The following DPM2 variants were observed in gnomAD, a reference collection of about 807,000 sequenced individuals.
The protein encoded by DPM2 is dolichol phosphate-mannose biosynthesis regulatory protein.
In DPM2, 8 loss-of-function variants were observed where a neutral mutation model predicts 12.1. That is an observed-to-expected ratio of 0.66 (90% CI 0.39 to 1.19). The LOEUF (loss-of-function observed/expected upper bound fraction) is 1.19. Among genes scored for constraint, DPM2 ranks in the 50% most tolerant of loss-of-function variants. The pLI, the probability that DPM2 is intolerant of heterozygous loss-of-function variation, is 0.01. For synonymous variants in DPM2, 38 were observed against 44.7 expected (o/e 0.85, Z 0.60); for missense variants, 93 against 102.5 (o/e 0.91, Z 0.40).
intron 2 of DPM2, 190 bp from the exon 3 acceptor site, chr9:127,936,845 G>C (rs1450868537): frequency 2.0e-6 from 1 of 507,736 alleles, no homozygotes; most frequent in Non-Finnish European, 3.2e-6. Flanking sequence ...GGTATTTACC[G>C]GGCACTTGCT....
chr9:127,936,434 A>G lies in DPM2; in HGVS notation c.196+119T>C, dbSNP rs762170446. The G allele has an allele frequency of 6.2e-6, 10 of 1,604,652 alleles. No homozygotes were observed. In the Admixed American group the frequency reaches 1.2e-4, roughly 19 times the overall value. ...GCAGCCTCGAAGGATGAACAGGAAA[A>G]CCCCACGGGTGAGTTCGGGGCAAGC... On this transcript the variant is annotated intron_variant, in intron 3 of 3. Transcript: ENST00000314392.
chr9:127,937,342 A>G, intron 2 of DPM2, 92 bp downstream of exon 2: 3 of 956,916 alleles, frequency 3.1e-6, no homozygotes, highest in Non-Finnish European at 4.8e-6. Context: ...GCAGGCAATG[A>G]AGCCAGCGCC....
intron 3 of DPM2, 135 bp downstream of exon 3, chr9:127,936,418 A>G (rs1481278523): frequency 6.3e-7 from 1 of 1,592,204 alleles, no homozygotes; most frequent in Non-Finnish European, 8.6e-7. Flanking sequence ...GGCAGCCTCG[A>G]AGGATGAACA....
Position 127,936,673 on chromosome 9 carries a change from G to C in DPM2, c.94-18C>G, listed in dbSNP as rs577196007. The C allele has an allele frequency of 6.8e-5, 101 of 1,482,876 alleles. 2 individuals are homozygous for C. The Admixed American group carries it at 2.4e-3, about 35-fold the overall frequency. The allele number at this position is 1,482,876 out of a possible 1,614,324, so 91.9% of individuals were successfully genotyped here. ...ATGAATGGCTGGCATCGAGGGAAGA[G>C]CTCTGGTGTGTCTTGCTTGCCTTGC... On this transcript the variant is annotated intron_variant, in intron 2 of 3. Coordinates refer to ENST00000314392, the MANE Select transcript of DPM2 (RefSeq NM_003863.4).
Position 127,935,602 on chromosome 9 carries a change from G to T in DPM2, c.*120C>A. On this transcript the variant is annotated 3_prime_UTR_variant, in exon 4 of 4. Coordinates refer to ENST00000314392, the MANE Select transcript of DPM2 (RefSeq NM_003863.4). ...GTAAGCTCCATGCCATGGGGACTCTGCAGGACAGGCAGGCTTGAGGAGCCA... is the reference window on the plus strand; with the variant it reads ...GTAAGCTCCATGCCATGGGGACTCTTCAGGACAGGCAGGCTTGAGGAGCCA... The T allele has an allele frequency of 9.9e-7, 1 of 1,006,508 alleles. No individual in the cohort carries two copies. Among genetic ancestry groups the T allele is most frequent in the South Asian group, 1.3e-5 (1 of 74,400 alleles). The allele number at this position is 1,006,508 out of a possible 1,614,324, so 62.3% of individuals were successfully genotyped here. A position where few individuals can be genotyped will look rare whatever the true frequency, so the allele number is the denominator to read the frequency against.
rs772532808 is a variant in DPM2, at chr9:127,936,541, G to A, written c.196+12C>T. The A allele has an allele frequency of 2.5e-6, 4 of 1,598,436 alleles. No individual in the cohort carries two copies. The highest frequency in any genetic ancestry group is 3.4e-6 in the Non-Finnish European group (4 of 1,169,710). On this transcript the variant is annotated intron_variant, in intron 3 of 3. Transcript: ENST00000314392. ...CCCTGCCCAGGGTCAAGGGGAGGAG[G>A]TGATGACTTACCCACAAACAGGAGC...
intron 1 of DPM2, 127 bp from the exon 2 acceptor site, chr9:127,937,650 G>C (rs1831531081): frequency 8.3e-7 from 1 of 1,205,636 alleles, no homozygotes; most frequent in Non-Finnish European, 1.2e-6. Flanking sequence ...GCTGACTAGG[G>C]ATCAGTTTCT....
intron 3 of DPM2, chr9:127,936,328 G>C (rs1205799399): frequency 1.3e-6 from 2 of 1,481,882 alleles, no homozygotes; most frequent in Non-Finnish European, 1.8e-6. Context: ...AGTGATGATG[G>C]GGTTGGGGCA....
chr9:127,936,922 C>T (rs936508485), intron 2 of DPM2: 4 of 383,676 alleles, frequency 1.0e-5, no homozygotes, highest in African/African-American at 6.2e-5. Flanking sequence ...CCCTAAGGCA[C>T]CTCACAGCCT....
At position 127,935,616 on chromosome 9, in the gene DPM2, CTTGAGGAGCCACTGTGCCTGGACAGG is replaced by C; in HGVS notation, c.*80_*105del. ...ATGGGGACTCTGCAGGACAGGCAGG[CTTGAGGAGCCACTGTGCCTGGACAGG>C]TTCTGCAGGCTCCCCCACTTGGTCC... On this transcript the variant is annotated 3_prime_UTR_variant, in exon 4 of 4. Coordinates refer to ENST00000314392, the MANE Select transcript of DPM2 (RefSeq NM_003863.4). 2 of 1,184,922 alleles carry C rather than the reference CTTGAGGAGCCACTGTGCCTGGACAGG, an allele frequency of 1.7e-6. No individual in the cohort carries two copies. The highest frequency in any genetic ancestry group is 2.5e-6 in the Non-Finnish European group (2 of 812,958). 73.4% of individuals were successfully genotyped at this position (1,184,922 alleles called of 1,614,324 possible).
At chr9:127,936,103 C>A in intron 3 of DPM2, 2 of 623,156 alleles carry the variant, frequency 3.2e-6, no homozygotes, top group Non-Finnish European at 5.4e-6. Context: ...TCCTCCTACA[C>A]CTCACCCACC....
chr9:127,936,148 C>A, intron 3 of DPM2: 1 of 833,954 alleles, frequency 1.2e-6, no homozygotes. Flanking sequence ...AGGCACCCGG[C>A]TGTTGACTGA....
rs1831529175 is a variant in DPM2 at position 127,937,542 on chromosome 9, T to G, written c.4-19A>C. 1 of 1,597,658 alleles carries G rather than the reference T, an allele frequency of 6.3e-7. No homozygotes were observed. Among genetic ancestry groups the G allele is most frequent in the East Asian group, 2.2e-5 (1 of 44,720 alleles). On this transcript the variant is annotated intron_variant, in intron 1 of 3. Coordinates refer to ENST00000314392, the MANE Select transcript of DPM2 (RefSeq NM_003863.4). ...CCGTGGCCTGGAGAAAAGGGAGGTCTCAGCTGACGAAGTGACCCTCTATTT... is the reference window on the plus strand; with the variant it reads ...CCGTGGCCTGGAGAAAAGGGAGGTCGCAGCTGACGAAGTGACCCTCTATTT...
Position 127,935,717 on chromosome 9 carries a change from G to C in DPM2, c.*5C>G, listed in dbSNP as rs1194396380. On this transcript the variant is annotated 3_prime_UTR_variant, in exon 4 of 4. Coordinates refer to ENST00000314392, the MANE Select transcript of DPM2 (RefSeq NM_003863.4). Reference sequence around the variant, plus strand: ...GGGGCTGGCAGCCTCATCCCTGCGGGACCTTCACTGAGCCTTCTTGGTCAC... The same window carrying C: ...GGGGCTGGCAGCCTCATCCCTGCGGCACCTTCACTGAGCCTTCTTGGTCAC... 3.1e-6 allele frequency: 5 copies of C among 1,613,216 alleles called. No individual in the cohort carries two copies. The South Asian group carries it at 5.5e-5, about 18-fold the overall frequency.
At chr9:127,937,705 T>C (rs989846731) in intron 1 of DPM2, 113 bp downstream of exon 1, 8 of 1,415,890 alleles carry the variant, frequency 5.7e-6, no homozygotes, top group African/African-American at 1.4e-5. Flanking sequence ...GTCCGTACAA[T>C]AGTGGGGGCG....
At chr9:127,936,775 TTTTC>T in intron 2 of DPM2, 120 bp from the exon 3 acceptor site, 1 of 867,478 alleles carries the variant, frequency 1.2e-6, no homozygotes, top group East Asian at 3.2e-5. Flanking sequence ...CTGCATTTGC[TTTTC>T]TTTAAGATTA....
chr9:127,936,702 G>A lies in DPM2; in HGVS notation c.94-47C>T, dbSNP rs201232990. 1.6e-3 allele frequency: 2,297 copies of A among 1,424,450 alleles called. 19 individuals carry two copies. In the South Asian group the frequency reaches 0.018, roughly 11 times the overall value. 88.2% of individuals were successfully genotyped at this position (1,424,450 alleles called of 1,614,324 possible). On this transcript the variant is annotated intron_variant, in intron 2 of 3. Transcript: ENST00000314392. Reference sequence around the variant, plus strand: ...TGGTGTGTCTTGCTTGCCTTGCCGAGCCCCCAAGCCCAAACGTCCCACCTC... The same window carrying A: ...TGGTGTGTCTTGCTTGCCTTGCCGAACCCCCAAGCCCAAACGTCCCACCTC...
At chr9:127,936,279 G>C in intron 3 of DPM2, 1 of 1,443,132 alleles carries the variant, frequency 6.9e-7, no homozygotes, top group South Asian at 1.5e-5. Context: ...GCAGGAATTA[G>C]AAGCCAGGGT....
Position 127,937,517 on chromosome 9 carries a change from C to G in DPM2, c.10G>C (p.Gly4Arg), listed in dbSNP as rs780383976. ...CCGAGTCCCACCACCTGGTCTGTCC[C>G]CGTGGCCTGGAGAAAAGGGAGGTCT... MAT[G>R]TDQVVGLGLV... Residue 4 changes from glycine (G) to arginine (R), a missense_variant, in exon 2 of 4, where the codon GGG (glycine) becomes CGG (arginine). Physicochemically the swap from Gly to Arg is moderately radical, Grantham distance 125. Transcript: ENST00000314392. 29 of 1,612,804 alleles carry G rather than the reference C, an allele frequency of 1.8e-5. 2 individuals are homozygous for G. The South Asian group carries it at 2.6e-4, about 15-fold the overall frequency.
Sources: gnomAD v4.1 joint callset for allele counts on GRCh38, gnomAD v4.1.1 for gene constraint, MANE v1.5 for transcripts, NCBI Gene and HGNC (gene_info 2026-07-23, HGNC 2026-07-21) for gene names.